Variants in SGCZ observed in about 807,000 individuals in gnomAD.
The protein encoded by SGCZ is zeta-sarcoglycan.
SGCZ carries 40 observed loss-of-function variants against 41.3 expected under a neutral mutation model. The ratio of observed to expected loss-of-function variants is 0.97; its 90% confidence interval spans 0.75 to 1.26. SGCZ has a LOEUF of 1.26. Among genes scored for constraint, SGCZ ranks in the 50% most tolerant of loss-of-function variants. SGCZ has a pLI of 0.00. For synonymous variants in SGCZ, 206 were observed against 137.5 expected, an observed-to-expected ratio of 1.50 and a Z score of -3.49; for missense variants, 552 against 369.8, an observed-to-expected ratio of 1.49 and a Z score of -4.04.
rs1369374914 is a variant in SGCZ, at chr8:14,185,475, C to G, written c.425-20773G>C. 2.0e-5 allele frequency among the ~76,000 whole-genome samples: 3 copies of G among 152,208 alleles called. No homozygotes were observed. The East Asian group carries it at 5.8e-4, about 29-fold the overall frequency. ...TTCTCATTACTCAGCTTCAATTGATCTAATCAATATCTACCATATACTTTA... is the reference window on the plus strand; with the variant it reads ...TTCTCATTACTCAGCTTCAATTGATGTAATCAATATCTACCATATACTTTA... On this transcript the variant is annotated intron_variant, in intron 4 of 7. Coordinates refer to ENST00000382080, the MANE Select transcript of SGCZ (RefSeq NM_139167.4).
At chr8:14,567,267 T>C (rs1435196699) in intron 1 of SGCZ, among the ~76,000 whole-genome samples, 1 of 152,132 alleles carries the variant, frequency 6.6e-6, no homozygotes, top group Non-Finnish European at 1.5e-5. Flanking sequence ...GCCACACCAG[T>C]GCGGGATCCA....
intron 1 of SGCZ, among the ~76,000 whole-genome samples, chr8:14,981,711 A>C (rs1196035570): frequency 6.6e-6 from 1 of 152,230 alleles, no homozygotes; most frequent in Non-Finnish European, 1.5e-5. Flanking sequence ...AAATATACAC[A>C]GGAGAAACAA....
At chr8:15,070,064 A>T (rs1014267241) in intron 1 of SGCZ, among the ~76,000 whole-genome samples, 3 of 152,128 alleles carry the variant, frequency 2.0e-5, no homozygotes, top group Non-Finnish European at 2.9e-5. Flanking sequence ...ATTCAATAAA[A>T]ATTCTTCCAG....
intron 1 of SGCZ, among the ~76,000 whole-genome samples, chr8:14,626,504 C>T (rs1037503727): frequency 6.6e-6 from 1 of 152,100 alleles, no homozygotes; most frequent in Non-Finnish European, 1.5e-5. Context: ...CCTAGTTCTT[C>T]AGATTGTGAA....
In SGCZ at chr8:14,667,048, G is replaced by A. The variant is rs1370918034; in HGVS notation, c.40-112122C>T. On this transcript the variant is annotated intron_variant, in intron 1 of 7. Coordinates refer to ENST00000382080, the MANE Select transcript of SGCZ (RefSeq NM_139167.4). Reference sequence around the variant, plus strand: ...AGCAATGATAATAGAGACATATAGAGAGAGACATATATATATGTCAATGTT... The same window carrying A: ...AGCAATGATAATAGAGACATATAGAAAGAGACATATATATATGTCAATGTT... Among the ~76,000 whole-genome samples the A allele has an allele frequency of 2.6e-5, 4 of 152,120 alleles. No homozygotes were observed. In the East Asian group the frequency reaches 7.7e-4, roughly 29 times the overall value.
rs937064572 is a variant in SGCZ at position 14,086,757 on chromosome 8, A to G, written c.*3686T>C. ...TAAAAGGGAGTATAAAAAAGAGCAT[A>G]GGAAGTAGCGTGCCAAAAAGGTTTG... On this transcript the variant is annotated 3_prime_UTR_variant, in exon 8 of 8. Coordinates refer to ENST00000382080, the MANE Select transcript of SGCZ (RefSeq NM_139167.4). Among the ~76,000 whole-genome samples the G allele has an allele frequency of 6.6e-6, 1 of 151,710 alleles. No individual in the cohort carries two copies. The highest frequency in any genetic ancestry group is 1.5e-5 in the Non-Finnish European group (1 of 67,750).
At chr8:14,826,620 G>A (rs749495423) in intron 1 of SGCZ, among the ~76,000 whole-genome samples, 7,684 of 151,996 alleles carry the variant, frequency 0.051, 238 homozygotes, top group African/African-American at 0.09. Context: ...TTTAATGATC[G>A]CCATTCTAAC....
At chr8:14,427,283 G>A (rs1170906321) in intron 2 of SGCZ, among the ~76,000 whole-genome samples, 1 of 151,908 alleles carries the variant, frequency 6.6e-6, no homozygotes, top group East Asian at 1.9e-4. Context: ...AAACCCCCAT[G>A]ACATAAGTTT....
At chr8:14,785,986 A>T (rs149042975) in intron 1 of SGCZ, among the ~76,000 whole-genome samples, 1 of 139,274 alleles carries the variant, frequency 7.2e-6, no homozygotes, top group African/African-American at 3.1e-5. Flanking sequence ...CAATTTGCAG[A>T]TACTATGAAA....
intron 1 of SGCZ, among the ~76,000 whole-genome samples, chr8:14,816,098 A>G (rs941931621): frequency 2.6e-5 from 4 of 152,364 alleles, no homozygotes; most frequent in Admixed American, 1.3e-4. Flanking sequence ...TTCAACATGC[A>G]ATTGGTATTT....
chr8:14,766,727 ATTTTTTTT>A (rs33955290), intron 1 of SGCZ, among the ~76,000 whole-genome samples: 1 of 92,804 alleles, frequency 1.1e-5, no homozygotes, highest in African/African-American at 4.5e-5. Context: ...ATGTCCAGCT[ATTTTTTTT>A]TTTTTTTTTT....
intron 1 of SGCZ, among the ~76,000 whole-genome samples, chr8:14,878,703 A>AT (rs1325602737): frequency 2.6e-5 from 4 of 152,216 alleles, no homozygotes; most frequent in Admixed American, 2.0e-4. Context: ...AATGAGAATG[A>AT]TTCCTGTGGT....
chr8:14,154,360 C>T (rs544731844), intron 5 of SGCZ, among the ~76,000 whole-genome samples: 1 of 148,070 alleles, frequency 6.8e-6, no homozygotes, highest in African/African-American at 2.5e-5. Context: ...CATAGCAAGA[C>T]TCTGTTTCAA....
At position 14,090,291 on chromosome 8, in the gene SGCZ, AGAAGGTGGT is replaced by A; in HGVS notation, c.*143_*151del. 1.4e-6 allele frequency: 1 copy of A among 691,938 alleles called. No individual in the cohort carries two copies. Among genetic ancestry groups the A allele is most frequent in the South Asian group, 2.6e-5 (1 of 38,140 alleles). 42.9% of individuals were successfully genotyped at this position (691,938 alleles called of 1,614,324 possible). ...GTTGAGCAGTACAGTAAATCACAAG[AGAAGGTGGT>A]GGCGAATCCCTGCTCACACTGGAAG... is the stretch of plus-strand genomic sequence containing the variant. On this transcript the variant is annotated 3_prime_UTR_variant, in exon 8 of 8. Coordinates refer to ENST00000382080, the MANE Select transcript of SGCZ (RefSeq NM_139167.4).
At chr8:15,096,868 G>C (rs564761679) in intron 1 of SGCZ, among the ~76,000 whole-genome samples, 1 of 151,850 alleles carries the variant, frequency 6.6e-6, no homozygotes, top group Admixed American at 6.6e-5. Flanking sequence ...TTGTATTTTA[G>C]TAGAGATGGG....
At chr8:14,499,444 T>C (rs560808386) in intron 2 of SGCZ, among the ~76,000 whole-genome samples, 4 of 152,164 alleles carry the variant, frequency 2.6e-5, no homozygotes, top group African/African-American at 9.6e-5. Flanking sequence ...TATTATTTTA[T>C]TTTGTAGATT....
chr8:14,879,535 T>C (rs372151043), intron 1 of SGCZ, among the ~76,000 whole-genome samples: 59 of 152,108 alleles, frequency 3.9e-4, no homozygotes, highest in East Asian at 3.5e-3. Context: ...GAGTTTCTTA[T>C]ATATCACATA....
intron 4 of SGCZ, among the ~76,000 whole-genome samples, chr8:14,223,025 T>C (rs1806256076): frequency 6.6e-6 from 1 of 151,958 alleles, no homozygotes; most frequent in African/African-American, 2.4e-5. Context: ...TAGGCCAGGA[T>C]GGTCTCGAAC....
In SGCZ at chr8:14,212,252, G is replaced by A. The variant is rs1220012410; in HGVS notation, c.424+25340C>T. 3.9e-5 allele frequency among the ~76,000 whole-genome samples: 6 copies of A among 151,916 alleles called. 1 individual carries two copies. The highest frequency in any genetic ancestry group is 3.9e-4 in the Admixed American group (6 of 15,246). Reference sequence around the variant, plus strand: ...CTGGATGTACCAGCAGAGATTATGTGGAAAGTCCAAGAGAAAAAGGCTAGT... The same window carrying A: ...CTGGATGTACCAGCAGAGATTATGTAGAAAGTCCAAGAGAAAAAGGCTAGT... On this transcript the variant is annotated intron_variant, in intron 4 of 7. Transcript: ENST00000382080.
Sources: gnomAD v4.1 joint callset for allele counts (sites outside exome capture counted in the v4.1 genomes callset) on GRCh38, gnomAD v4.1.1 for gene constraint, MANE v1.5 for transcripts, NCBI Gene and HGNC (gene_info 2026-07-23, HGNC 2026-07-21) for gene names.